CSRNP3: variants seen among roughly 807,000 people sequenced by gnomAD.
CSRNP3 encodes cysteine and serine rich nuclear protein 3.
CSRNP3 carries 12 observed loss-of-function variants against 48.0 expected under a neutral mutation model. The observed-to-expected ratio is 0.25, with a 90% CI of 0.16 to 0.41. CSRNP3 has a LOEUF of 0.41. CSRNP3 is among the 10% of genes least tolerant of loss of function. CSRNP3 has a pLI of 1.00. For missense variants in CSRNP3, 580 were observed against 724.4 expected, an observed-to-expected ratio of 0.80 and a Z score of 2.29; for synonymous variants, 263 against 269.7, an observed-to-expected ratio of 0.98 and a Z score of 0.24.
intron 4 of CSRNP3, among the ~76,000 whole-genome samples, chr2:165,612,117 G>A (rs1485506010): frequency 6.6e-6 from 1 of 151,896 alleles, no homozygotes; most frequent in Non-Finnish European, 1.5e-5. Context: ...AGTACTAAAT[G>A]CTTTTTGCTA....
intron 4 of CSRNP3, among the ~76,000 whole-genome samples, chr2:165,643,819 C>G (rs1686768178): frequency 6.6e-6 from 1 of 152,128 alleles, no homozygotes; most frequent in Admixed American, 6.6e-5. Flanking sequence ...AATTATCTAT[C>G]TTAGAACACA....
chr2:165,616,668 G>A (rs897046024), intron 4 of CSRNP3, among the ~76,000 whole-genome samples: 2 of 152,040 alleles, frequency 1.3e-5, no homozygotes, highest in African/African-American at 4.8e-5. Flanking sequence ...ATGCTTTTCT[G>A]TTACTGTTTT....
intron 1 of CSRNP3, among the ~76,000 whole-genome samples, chr2:165,487,851 G>A (rs1429478210): frequency 6.9e-6 from 1 of 145,702 alleles, no homozygotes; most frequent in Non-Finnish European, 1.5e-5. Flanking sequence ...ATGCCAAAAT[G>A]TAAAGAACAT....
chr2:165,639,998 T>C (rs891269255), intron 4 of CSRNP3, among the ~76,000 whole-genome samples: 2 of 152,212 alleles, frequency 1.3e-5, no homozygotes, highest in Non-Finnish European at 2.9e-5. Flanking sequence ...CAGAATGCTA[T>C]ACATTTAAAG....
intron 2 of CSRNP3, among the ~76,000 whole-genome samples, chr2:165,511,305 T>C (rs1419431959): frequency 6.6e-6 from 1 of 152,122 alleles, no homozygotes; most frequent in Non-Finnish European, 1.5e-5. Flanking sequence ...ATTAGGGTGA[T>C]AGTGAGATGG....
At chr2:165,524,161 C>G (rs78859414) in intron 3 of CSRNP3, among the ~76,000 whole-genome samples, 1 of 152,028 alleles carries the variant, frequency 6.6e-6, no homozygotes, top group African/African-American at 2.4e-5. Flanking sequence ...CAAGGAAAGT[C>G]GATTAACAAA....
At chr2:165,519,796 T>G (rs1056890474) in intron 3 of CSRNP3, among the ~76,000 whole-genome samples, 14 of 152,062 alleles carry the variant, frequency 9.2e-5, no homozygotes, top group Non-Finnish European at 2.1e-4. Flanking sequence ...ACAAAATTAA[T>G]TATGTCTTAT....
At chr2:165,515,105 G>A (rs1482656809) in intron 2 of CSRNP3, among the ~76,000 whole-genome samples, 2 of 152,010 alleles carry the variant, frequency 1.3e-5, no homozygotes, top group South Asian at 4.2e-4. Context: ...GGATCATGAG[G>A]TCAGGAGTTT....
chr2:165,545,093 G>T (rs1685006976), intron 3 of CSRNP3, among the ~76,000 whole-genome samples: 1 of 152,144 alleles, frequency 6.6e-6, no homozygotes, highest in Non-Finnish European at 1.5e-5. Context: ...AATAAAAGGG[G>T]AACTGAGAAT....
rs1685043025 is a variant in CSRNP3, at chr2:165,547,273, A to G, written c.-24+29312A>G. Among the ~76,000 whole-genome samples the G allele has an allele frequency of 2.6e-5, 4 of 152,320 alleles. No individual in the cohort carries two copies. The South Asian group carries it at 8.3e-4, about 32-fold the overall frequency. On this transcript the variant is annotated intron_variant, in intron 3 of 6. Coordinates refer to ENST00000651982, the MANE Select transcript of CSRNP3 (RefSeq NM_001172173.2). Reference sequence around the variant, plus strand: ...TTTCAATATCACAAAGAATGCTACAATAAGCACCTGTGTAATTCTGGAGAA... The same window carrying G: ...TTTCAATATCACAAAGAATGCTACAGTAAGCACCTGTGTAATTCTGGAGAA...
rs1367918134 is a variant in CSRNP3 at position 165,599,263 on chromosome 2, AAAAG to A, written c.148+4060_148+4063del. Among the ~76,000 whole-genome samples the A allele has an allele frequency of 1.9e-4, 19 of 101,638 alleles. No individual in the cohort carries two copies. In the East Asian group the frequency reaches 4.6e-3, roughly 25 times the overall value. 66.7% of individuals were successfully genotyped at this position (101,638 alleles called of 152,430 possible). On this transcript the variant is annotated intron_variant, in intron 4 of 6. Transcript: ENST00000651982. Reference sequence around the variant, plus strand: ...AACAAAAAACAAAAAGAAAGAAAGAAAAAGAAAGAAAGAGAGAGAGAGAAAGAAA... The same window carrying A: ...AACAAAAAACAAAAAGAAAGAAAGAAAAAGAAAGAGAGAGAGAGAAAGAAA...
intron 3 of CSRNP3, among the ~76,000 whole-genome samples, chr2:165,556,856 T>A (rs1685166665): frequency 6.6e-6 from 1 of 152,136 alleles, no homozygotes; most frequent in South Asian, 2.1e-4. Context: ...TGAGAGGGTG[T>A]GATCTGAACT....
At position 165,648,233 on chromosome 2, in the gene CSRNP3, G is replaced by A. The variant is rs140526584; in HGVS notation, c.149-9528G>A. On this transcript the variant is annotated intron_variant, in intron 4 of 6. Transcript: ENST00000651982. Reference sequence around the variant, plus strand: ...GTTCTATAAATTTGATTGATTTATTGATGCAAAAGGAAAATCATATATCTA... The same window carrying A: ...GTTCTATAAATTTGATTGATTTATTAATGCAAAAGGAAAATCATATATCTA... Among the ~76,000 whole-genome samples, 510 of 152,150 alleles carry A rather than the reference G, an allele frequency of 3.4e-3. 9 individuals are homozygous for A. Among genetic ancestry groups the A allele is most frequent in the Admixed American group, 0.031 (468 of 15,266 alleles).
At chr2:165,639,742 C>A (rs1686694735) in intron 4 of CSRNP3, among the ~76,000 whole-genome samples, 1 of 152,158 alleles carries the variant, frequency 6.6e-6, no homozygotes, top group African/African-American at 2.4e-5. Flanking sequence ...ATTTTCCAGG[C>A]TTATGACCTT....
intron 3 of CSRNP3, among the ~76,000 whole-genome samples, chr2:165,592,575 T>TG (rs1296602810): frequency 1.3e-5 from 2 of 152,000 alleles, no homozygotes; most frequent in Non-Finnish European, 2.9e-5. Context: ...AGGGATGTGT[T>TG]GGGGGGGTAA....
intron 1 of CSRNP3, among the ~76,000 whole-genome samples, chr2:165,486,003 C>T (rs1033742903): frequency 3.3e-5 from 5 of 152,142 alleles, no homozygotes; most frequent in African/African-American, 9.6e-5. Context: ...ACGCAGAAGA[C>T]GGGTGATTTC....
At chr2:165,591,452 T>A (rs1167081682) in intron 3 of CSRNP3, among the ~76,000 whole-genome samples, 1 of 152,156 alleles carries the variant, frequency 6.6e-6, no homozygotes, top group Non-Finnish European at 1.5e-5. Context: ...AGGAGCTGAA[T>A]GTTAATCACC....
At chr2:165,628,608 C>T (rs1023983204) in intron 4 of CSRNP3, among the ~76,000 whole-genome samples, 1 of 151,984 alleles carries the variant, frequency 6.6e-6, no homozygotes, top group African/African-American at 2.4e-5. Context: ...CCTATAATCC[C>T]AGCTACTCCG....
At chr2:165,539,084 T>C (rs1684919606) in intron 3 of CSRNP3, among the ~76,000 whole-genome samples, 2 of 152,020 alleles carry the variant, frequency 1.3e-5, no homozygotes, top group South Asian at 4.1e-4. Flanking sequence ...CATTAAGTCT[T>C]ATCGTTTTCT....
Sources: allele counts gnomAD v4.1 joint callset (sites outside exome capture counted in the v4.1 genomes callset), GRCh38; gene constraint gnomAD v4.1.1; transcripts MANE v1.5; gene names NCBI Gene and HGNC (gene_info 2026-07-23, HGNC 2026-07-21).